Variants in MYO5B observed in about 807,000 individuals in gnomAD.
The protein encoded by MYO5B is myosin VB.
In MYO5B, 143 loss-of-function variants were observed where a neutral mutation model predicts 229.3. The observed-to-expected ratio is 0.62, with a 90% CI of 0.54 to 0.72. MYO5B has a LOEUF of 0.72. MYO5B is among the 30% of genes least tolerant of loss of function. The probability of loss-of-function intolerance (pLI) is 0.00; values close to 1 mark genes in which losing one functional copy is unlikely to be tolerated. For missense variants in MYO5B, 2,321 were observed against 2,331.0 expected, an observed-to-expected ratio of 1.00 and a Z score of 0.09; for synonymous variants, 918 against 885.2, an observed-to-expected ratio of 1.04 and a Z score of -0.66.
chr18:50,138,575 C>A (rs1030784980), intron 1 of MYO5B, among the ~76,000 whole-genome samples: 27 of 151,758 alleles, frequency 1.8e-4, no homozygotes, highest in Non-Finnish European at 2.5e-4. Context: ...CCCTGTCCAC[C>A]TTGGTGGAGC....
chr18:49,839,683 G>A (rs953102263), intron 35 of MYO5B, among the ~76,000 whole-genome samples: 2 of 152,232 alleles, frequency 1.3e-5, no homozygotes, highest in African/African-American at 4.8e-5. Flanking sequence ...AGCCTCTAAA[G>A]GAGTGTGGCC....
At chr18:50,095,572 G>C (rs959697597) in intron 1 of MYO5B, among the ~76,000 whole-genome samples, 1 of 152,208 alleles carries the variant, frequency 6.6e-6, no homozygotes, top group Admixed American at 6.5e-5. Flanking sequence ...TGTCTGCACT[G>C]AGCCCTTAGA....
intron 1 of MYO5B, among the ~76,000 whole-genome samples, chr18:50,185,679 A>G (rs990437776): frequency 1.3e-5 from 2 of 152,272 alleles, no homozygotes; most frequent in Non-Finnish European, 1.5e-5. Flanking sequence ...TCAACAAAAA[A>G]CAAAAGGAAA....
rs150779854 is a variant in MYO5B at position 50,023,698 on chromosome 18, G to C, written c.455+13152C>G. Among the ~76,000 whole-genome samples, 482 of 152,320 alleles carry C rather than the reference G, an allele frequency of 3.2e-3. 3 individuals are homozygous for C. Among genetic ancestry groups the C allele is most frequent in the Non-Finnish European group, 5.4e-3 (368 of 68,032 alleles). On this transcript the variant is annotated intron_variant, in intron 4 of 39. Coordinates refer to ENST00000285039, the MANE Select transcript of MYO5B (RefSeq NM_001080467.3). Reference sequence around the variant, plus strand: ...AAAAAAGACTAAAAGACCATTCCCAGAATAGTCTGTTCTAGCAGCTGCTCC... The same window carrying C: ...AAAAAAGACTAAAAGACCATTCCCACAATAGTCTGTTCTAGCAGCTGCTCC...
chr18:50,136,277 G>T (rs183427275), intron 1 of MYO5B, among the ~76,000 whole-genome samples: 1 of 151,908 alleles, frequency 6.6e-6, no homozygotes, highest in African/African-American at 2.4e-5. Flanking sequence ...GCCACGTTAG[G>T]GTCTAAGATA....
At chr18:49,860,474 C>CT (rs2024316218) in intron 29 of MYO5B, among the ~76,000 whole-genome samples, 1 of 152,150 alleles carries the variant, frequency 6.6e-6, no homozygotes, top group South Asian at 2.1e-4. Context: ...AAGGAGAAAG[C>CT]TTTGTGGAAG....
At chr18:49,862,076 C>A (rs1420178956) in intron 29 of MYO5B, among the ~76,000 whole-genome samples, 1 of 148,200 alleles carries the variant, frequency 6.7e-6, no homozygotes, top group Admixed American at 6.8e-5. Flanking sequence ...CGGCTCATTG[C>A]AACCTCCGCC....
intron 39 of MYO5B, among the ~76,000 whole-genome samples, chr18:49,831,367 T>G (rs2023919099): frequency 6.6e-6 from 1 of 152,104 alleles, no homozygotes; most frequent in South Asian, 2.1e-4. Context: ...GCAAATCATA[T>G]CTGATAAGGA....
intron 1 of MYO5B, among the ~76,000 whole-genome samples, chr18:50,081,721 TTCAAC>T (rs2031226005): frequency 7.9e-6 from 1 of 126,248 alleles, no homozygotes; most frequent in African/African-American, 4.0e-5. Context: ...ACATTTAACA[TTCAAC>T]ATTCTGATTC....
chr18:50,145,497 C>CAAAAA (rs369507800), intron 1 of MYO5B, among the ~76,000 whole-genome samples: 34 of 70,002 alleles, frequency 4.9e-4, no homozygotes, highest in African/African-American at 1.9e-3. Flanking sequence ...GACTCCATCT[C>CAAAAA]AAAAAAAAAA....
At chr18:50,112,315 C>T (rs1309627755) in intron 1 of MYO5B, among the ~76,000 whole-genome samples, 2 of 152,202 alleles carry the variant, frequency 1.3e-5, no homozygotes, top group South Asian at 4.1e-4. Context: ...CTCCAAGGGG[C>T]TCCTTTTGAG....
intron 1 of MYO5B, among the ~76,000 whole-genome samples, chr18:50,153,756 T>C (rs1316902183): frequency 6.6e-6 from 1 of 152,190 alleles, no homozygotes; most frequent in Admixed American, 6.5e-5. Context: ...GGCCTCACTT[T>C]CTTTATGGAA....
intron 13 of MYO5B, among the ~76,000 whole-genome samples, chr18:49,953,937 C>CTATATATATA (rs10641448): frequency 0.11 from 14,396 of 135,670 alleles, 1,071 homozygotes; most frequent in South Asian, 0.18. Context: ...TGTGTGTAGA[C>CTATATATATA]TATATATATA....
At chr18:49,953,935 GAC>G (rs2025458087) in intron 13 of MYO5B, among the ~76,000 whole-genome samples, 2 of 45,270 alleles carry the variant, frequency 4.4e-5, no homozygotes, top group South Asian at 7.1e-4. Flanking sequence ...TGTGTGTGTA[GAC>G]TATATATATA....
At chr18:49,953,120 C>A in intron 14 of MYO5B, 140 bp downstream of exon 14, 2 of 754,046 alleles carry the variant, frequency 2.7e-6, no homozygotes, top group Non-Finnish European at 4.7e-6. Context: ...GTTTTCATAC[C>A]GAAATGACCA....
Position 49,949,877 on chromosome 18 carries a change from C to G in MYO5B, c.1752+3383G>C, listed in dbSNP as rs561150825. 7.7e-4 allele frequency among the ~76,000 whole-genome samples: 117 copies of G among 152,124 alleles called. 1 individual carries two copies. Among genetic ancestry groups the G allele is most frequent in the Non-Finnish European group, 1.5e-3 (99 of 67,972 alleles). The stretch of plus-strand genomic sequence containing the variant: ...ATGCCTCATAGGGCTACTATGAAAA[C>G]TAAAAATTTTAAAGAAAATAGACTC... On this transcript the variant is annotated intron_variant, in intron 14 of 39. Transcript: ENST00000285039.
At chr18:50,043,672 ATT>A (rs949849531) in intron 2 of MYO5B, among the ~76,000 whole-genome samples, 7 of 139,956 alleles carry the variant, frequency 5.0e-5, no homozygotes, top group Non-Finnish European at 1.1e-4. Context: ...TATAAAATAT[ATT>A]TATAAATATA....
At chr18:50,012,219 A>C (rs1478679143) in intron 4 of MYO5B, among the ~76,000 whole-genome samples, 1 of 152,232 alleles carries the variant, frequency 6.6e-6, no homozygotes, top group Non-Finnish European at 1.5e-5. Flanking sequence ...GTTAAGAAGC[A>C]CTGCTACAGA....
At chr18:49,858,966 T>G (rs950831244) in intron 29 of MYO5B, among the ~76,000 whole-genome samples, 5 of 152,224 alleles carry the variant, frequency 3.3e-5, no homozygotes, top group Non-Finnish European at 7.3e-5. Context: ...TGGCTCAGGA[T>G]TTTTTGTTGA....
Sources: gnomAD v4.1 joint callset for allele counts (sites outside exome capture counted in the v4.1 genomes callset) on GRCh38, gnomAD v4.1.1 for gene constraint, MANE v1.5 for transcripts, NCBI Gene and HGNC (gene_info 2026-07-23, HGNC 2026-07-21) for gene names.